The following PCDHGA9 variants were observed in gnomAD, a reference collection of about 807,000 sequenced individuals.
PCDHGA9 encodes the protein protocadherin gamma subfamily A, 9.
A neutral mutation model predicts 62.5 loss-of-function variants in PCDHGA9; 37 were observed. That is an observed-to-expected ratio of 0.59 (90% confidence interval 0.46 to 0.78). The LOEUF (loss-of-function observed/expected upper bound fraction) is 0.78. Among genes scored for constraint, PCDHGA9 ranks in the 30% least tolerant of loss-of-function variants. The probability of loss-of-function intolerance (pLI) is 0.00; values close to 1 mark genes in which losing one functional copy is unlikely to be tolerated. For synonymous variants in PCDHGA9, 459 were observed against 484.6 expected, an observed-to-expected ratio of 0.95 and a Z score of 0.69; for missense variants, 1,138 against 1,166.2, an observed-to-expected ratio of 0.98 and a Z score of 0.35.
intron 1 of PCDHGA9, among the ~76,000 whole-genome samples, chr5:141,462,650 TC>T (rs1254671361): frequency 7.3e-6 from 1 of 137,262 alleles, no homozygotes; most frequent in African/African-American, 3.0e-5. Context: ...ATTTCCATCC[TC>T]AATTATCTTC....
Position 141,431,628 on chromosome 5 carries a change from A to T in PCDHGA9, c.2424+26252A>T, listed in dbSNP as rs1204083567. The T allele has an allele frequency of 6.2e-7, 1 of 1,614,138 alleles. No individual in the cohort carries two copies. Among genetic ancestry groups the T allele is most frequent in the Non-Finnish European group, 8.5e-7 (1 of 1,180,058 alleles). ...CGGTATGTGGACGACAAGGCGGCCC[A>T]AGTTTTCAAACTAGATTGTAATTCA... On this transcript the variant is annotated intron_variant, in intron 1 of 3. Coordinates refer to ENST00000573521, the MANE Select transcript of PCDHGA9 (RefSeq NM_018921.3). The surrounding 1 kb of genome is among the most constrained non-coding windows in gnomAD (Gnocchi z 4.8).
chr5:141,422,869 T>A, intron 1 of PCDHGA9: 2 of 1,614,202 alleles, frequency 1.2e-6, no homozygotes, highest in Non-Finnish European at 1.7e-6. Context: ...CAGCAACGTG[T>A]CGCTGAGCCT....
chr5:141,427,381 T>G (rs1315804574), intron 1 of PCDHGA9: 1 of 458,822 alleles, frequency 2.2e-6, no homozygotes, highest in Middle Eastern at 3.2e-4. Context: ...GTGATCACTC[T>G]GTTCAAAACA....
chr5:141,507,736 G>A (rs1562231670), intron 3 of PCDHGA9, among the ~76,000 whole-genome samples: 1 of 152,240 alleles, frequency 6.6e-6, no homozygotes. Flanking sequence ...CATGCAGCTC[G>A]TTCCCCTGTC....
Position 141,403,929 on chromosome 5 carries a change from G to T in PCDHGA9, c.977G>T (p.Gly326Val). 6.2e-7 allele frequency: 1 copy of T among 1,613,854 alleles called. No individual in the cohort carries two copies. Among genetic ancestry groups the T allele is most frequent in the Non-Finnish European group, 8.5e-7 (1 of 1,179,858 alleles). The change falls in exon 1 of 4, where the codon GGA becomes GTA. Residue 326 changes from glycine (G) to valine (V), a missense_variant. Transcript: ENST00000573521. ...GAAATACAAGCTGAAGATGGTGGGGGATTGAAAGGGTGGACAAAAGTGCTC... is the reference window on the plus strand; with the variant it reads ...GAAATACAAGCTGAAGATGGTGGGGTATTGAAAGGGTGGACAAAAGTGCTC... ...EMEIQAEDGG[G>V]LKGWTKVLIS...
At chr5:141,410,516 C>T in intron 1 of PCDHGA9, 2 of 1,613,910 alleles carry the variant, frequency 1.2e-6, no homozygotes, top group Middle Eastern at 1.6e-4. Context: ...ATGCAGTGTG[C>T]CCCTACATTC....
chr5:141,425,956 C>T (rs1221085532), intron 1 of PCDHGA9, among the ~76,000 whole-genome samples: 1 of 152,244 alleles, frequency 6.6e-6, no homozygotes, highest in Non-Finnish European at 1.5e-5. Flanking sequence ...ATACATTAGT[C>T]CAACACATCA....
chr5:141,437,217 T>G (rs2097868672), intron 1 of PCDHGA9, among the ~76,000 whole-genome samples: 1 of 152,230 alleles, frequency 6.6e-6, no homozygotes, highest in Admixed American at 6.5e-5. Flanking sequence ...TTATTCTGAT[T>G]CCAGTCATAA....
intron 1 of PCDHGA9, among the ~76,000 whole-genome samples, chr5:141,488,351 C>G (rs1467834410): frequency 6.6e-6 from 1 of 152,132 alleles, no homozygotes; most frequent in African/African-American, 2.4e-5. Context: ...AAACAGCCAC[C>G]CTGTGCATCT....
chr5:141,405,260 T>A lies in PCDHGA9; in HGVS notation c.2308T>A (p.Phe770Ile). ...TADSRKSHLI[F>I]PQPNYADTLI... ...TGACTCAAGGAAGAGTCACCTGATC[T>A]TCCCCCAGCCCAACTATGCAGACAC... is the stretch of plus-strand genomic sequence containing the variant. The change falls in exon 1 of 4, where the codon TTC becomes ATC. Residue 770 changes from phenylalanine to isoleucine, a missense_variant. By Grantham distance (21) the Phe-to-Ile change is conservative. Coordinates refer to ENST00000573521, the MANE Select transcript of PCDHGA9 (RefSeq NM_018921.3). The A allele has an allele frequency of 6.2e-7, 1 of 1,614,140 alleles. No homozygotes were observed. The highest frequency in any genetic ancestry group is 1.1e-5 in the South Asian group (1 of 91,080).
At chr5:141,482,382 T>C (rs935517099) in intron 1 of PCDHGA9, among the ~76,000 whole-genome samples, 1 of 152,146 alleles carries the variant, frequency 6.6e-6, no homozygotes, top group Admixed American at 6.6e-5. Context: ...ATAAAGTCCC[T>C]GTATGGAGCA....
rs1309165721 is a variant in PCDHGA9 at position 141,430,655 on chromosome 5, G to A, written c.2424+25279G>A. On this transcript the variant is annotated intron_variant, in intron 1 of 3. Coordinates refer to ENST00000573521, the MANE Select transcript of PCDHGA9 (RefSeq NM_018921.3). Reference sequence around the variant, plus strand: ...ATCCCTGGGAGTATGTGGAAACAACGGAGGAGCTCTGACTTCCCAACTGTC... The same window carrying A: ...ATCCCTGGGAGTATGTGGAAACAACAGAGGAGCTCTGACTTCCCAACTGTC... 4.6e-6 allele frequency: 5 copies of A among 1,084,938 alleles called. No individual in the cohort carries two copies. In the East Asian group the frequency reaches 7.8e-5, roughly 17 times the overall value. 67.2% of individuals were successfully genotyped at this position (1,084,938 alleles called of 1,614,324 possible).
intron 1 of PCDHGA9, chr5:141,421,579 T>G (rs753573473): frequency 1.9e-6 from 3 of 1,613,816 alleles, no homozygotes; most frequent in Non-Finnish European, 2.5e-6. Context: ...CTTGAAGATT[T>G]ACGGAGTGGA....
chr5:141,403,196 G>C lies in PCDHGA9; in HGVS notation c.244G>C (p.Gly82Arg), dbSNP rs762413220. 13 of 1,613,868 alleles carry C rather than the reference G, an allele frequency of 8.1e-6. No individual in the cohort carries two copies. The highest frequency in any genetic ancestry group is 1.6e-4 in the Middle Eastern group (1 of 6,078). The change falls in exon 1 of 4, where the codon GGC becomes CGC. Residue 82 changes from glycine to arginine, a missense_variant. Transcript: ENST00000573521. ...GCTTTTCTCTCTGAACCCGCGCAGC[G>C]GCACCTTGGTCACCGCGGGTAGGAT... ...TQLFSLNPRS[G>R]TLVTAGRIDR...
At position 141,489,135 on chromosome 5, in the gene PCDHGA9, G is replaced by T; in HGVS notation, c.2425-5672G>T. The T allele has an allele frequency of 1.4e-6, 1 of 725,448 alleles. No individual in the cohort carries two copies. The highest frequency in any genetic ancestry group is 2.1e-6 in the Non-Finnish European group (1 of 470,770). 44.9% of individuals were successfully genotyped at this position (725,448 alleles called of 1,614,324 possible). ...GCAAACCTCCGAGCAGTTTTTAAGA[G>T]GCTGGAAGGAGACATAAGAGACTTC... On this transcript the variant is annotated intron_variant, in intron 1 of 3. Coordinates refer to ENST00000573521, the MANE Select transcript of PCDHGA9 (RefSeq NM_018921.3). The surrounding 1 kb of genome is among the most constrained non-coding windows in gnomAD (Gnocchi z 4.5).
At chr5:141,510,626 AGGTG>A (rs2099882005) in intron 3 of PCDHGA9, among the ~76,000 whole-genome samples, 1 of 152,144 alleles carries the variant, frequency 6.6e-6, no homozygotes, top group Admixed American at 6.5e-5. Context: ...AAACCAGAAG[AGGTG>A]GTTACCATTA....
intron 1 of PCDHGA9, chr5:141,414,677 A>AG: frequency 1.9e-6 from 3 of 1,613,794 alleles, no homozygotes; most frequent in South Asian, 2.2e-5. Flanking sequence ...GACACCATCC[A>AG]GGGGGTACCT....
Position 141,486,595 on chromosome 5 carries a change from T to G in PCDHGA9, c.2425-8212T>G. ...AGAACAATCGCCCAGGGGACCTGCTTTGCTCCCTTGCAGCCTCTGACCCAG... is the reference window on the plus strand; with the variant it reads ...AGAACAATCGCCCAGGGGACCTGCTGTGCTCCCTTGCAGCCTCTGACCCAG... On this transcript the variant is annotated intron_variant, in intron 1 of 3. Coordinates refer to ENST00000573521, the MANE Select transcript of PCDHGA9 (RefSeq NM_018921.3). This position sits in a 1 kb window ranked among gnomAD's most constrained non-coding sequence, Gnocchi z 5.0. The G allele has an allele frequency of 6.2e-7, 1 of 1,613,614 alleles. No homozygotes were observed. Among genetic ancestry groups the G allele is most frequent in the Non-Finnish European group, 8.5e-7 (1 of 1,180,016 alleles).
At chr5:141,413,128 CA>C in intron 1 of PCDHGA9, 1 of 1,534,686 alleles carries the variant, frequency 6.5e-7, no homozygotes, top group Non-Finnish European at 8.8e-7. Flanking sequence ...GGTTGAAACA[CA>C]CAACGTGTCC....
Sources: gnomAD v4.1 joint callset for allele counts (sites outside exome capture counted in the v4.1 genomes callset) on GRCh38, gnomAD v4.1.1 for gene constraint, Gnocchi (gnomAD v3.1) non-coding constraint, MANE v1.5 for transcripts, NCBI Gene and HGNC (gene_info 2026-07-23, HGNC 2026-07-21) for gene names.